The following LRP6 variants were observed in gnomAD, a reference collection of about 807,000 sequenced individuals.
LRP6 encodes the protein LDL receptor related protein 6, also known as low-density lipoprotein receptor-related protein 6.
Under a neutral mutation model 184.1 loss-of-function variants are expected in LRP6, and 43 were observed. The observed-to-expected ratio is 0.23, with a 90% CI of 0.18 to 0.30. The LOEUF (loss-of-function observed/expected upper bound fraction) is 0.30. Among genes scored for constraint, LRP6 ranks in the 10% least tolerant of loss-of-function variants. LRP6 has a pLI of 1.00. For missense variants in LRP6, 1,571 were observed against 2,005.3 expected (o/e 0.78, Z 4.14); for synonymous variants, 719 against 684.9 (o/e 1.05, Z -0.78).
At chr12:12,179,596 T>C (rs1250845182) in intron 7 of LRP6, among the ~76,000 whole-genome samples, 1 of 152,130 alleles carries the variant, frequency 6.6e-6, no homozygotes, top group African/African-American at 2.4e-5. Context: ...TCAGCAGCCA[T>C]TTCTCATACC....
At chr12:12,208,597 A>G (rs575773396) in intron 2 of LRP6, among the ~76,000 whole-genome samples, 5 of 152,302 alleles carry the variant, frequency 3.3e-5, no homozygotes, top group South Asian at 2.1e-4. Context: ...CTCAAAGGTA[A>G]AGACTAGGTG....
intron 19 of LRP6, among the ~76,000 whole-genome samples, chr12:12,130,314 T>C (rs1949731794): frequency 6.6e-6 from 1 of 151,946 alleles, no homozygotes; most frequent in African/African-American, 2.4e-5. Context: ...AGCCTCCCAG[T>C]AGCTGGGATT....
Position 12,159,933 on chromosome 12 carries a change from G to T in LRP6, c.2311C>A (p.Pro771Thr), listed in dbSNP as rs1222279634. 4.3e-6 allele frequency: 7 copies of T among 1,613,428 alleles called. No individual in the cohort carries two copies. The highest frequency in any genetic ancestry group is 5.9e-6 in the Non-Finnish European group (7 of 1,179,708). The change falls in exon 11 of 23, where the codon CCT becomes ACT. Residue 771 changes from proline (P) to threonine (T), a missense_variant. Transcript: ENST00000261349. The part of the protein sequence containing the change: ...FMYWTEWGGK[P>T]KIDRAAMDGS... ...TCCATTGCAGCTCTGTCTATCTTAG[G>T]TTTTCCACCCCATTCAGTCCAATAC...
chr12:12,166,449 T>C (rs965483790), intron 7 of LRP6, among the ~76,000 whole-genome samples: 1 of 152,244 alleles, frequency 6.6e-6, no homozygotes, highest in Admixed American at 6.5e-5. Context: ...AAATATTCTG[T>C]ATTATACAAT....
chr12:12,219,483 G>A (rs979567330), intron 2 of LRP6, among the ~76,000 whole-genome samples: 1 of 152,112 alleles, frequency 6.6e-6, no homozygotes, highest in Non-Finnish European at 1.5e-5. Context: ...GATTACAGGC[G>A]TGAGCCACCC....
chr12:12,165,159 C>G lies in LRP6; in HGVS notation c.1682G>C (p.Arg561Pro). ...TATGATCACTTCCCTCTCTGCACTT[C>G]GTTTATGAACTCTTTCAATGCTACG... ...QRRSIERVHK[R>P]SAEREVIIDQ... Residue 561 changes from arginine (R) to proline (P), a missense_variant, in exon 8 of 23, where the codon CGA (arginine) becomes CCA (proline). Arg to Pro is a moderately radical substitution (Grantham distance 103, BLOSUM62 -2). Transcript: ENST00000261349. 1 of 1,614,006 alleles carries G rather than the reference C, an allele frequency of 6.2e-7. No individual in the cohort carries two copies. The highest frequency in any genetic ancestry group is 1.1e-5 in the South Asian group (1 of 91,074).
chr12:12,259,197 A>G (rs919004067), intron 1 of LRP6, among the ~76,000 whole-genome samples: 1 of 148,640 alleles, frequency 6.7e-6, no homozygotes, highest in Admixed American at 6.8e-5. Flanking sequence ...CAGGAGGCAG[A>G]TGTCACAGTG....
At chr12:12,245,757 T>C (rs1386395464) in intron 1 of LRP6, among the ~76,000 whole-genome samples, 1 of 152,032 alleles carries the variant, frequency 6.6e-6, no homozygotes, top group East Asian at 1.9e-4. Context: ...GGGAGTGAGG[T>C]AGTATAAATT....
chr12:12,200,309 G>A (rs944174915), intron 3 of LRP6, among the ~76,000 whole-genome samples: 4 of 152,122 alleles, frequency 2.6e-5, no homozygotes, highest in African/African-American at 7.2e-5. Context: ...AGATGTTTTT[G>A]TCTGGTAATT....
At chr12:12,256,342 G>A (rs889961147) in intron 1 of LRP6, among the ~76,000 whole-genome samples, 1 of 151,770 alleles carries the variant, frequency 6.6e-6, no homozygotes, top group Non-Finnish European at 1.5e-5. Flanking sequence ...GTGTATCACC[G>A]AGCCCAGGAG....
At chr12:12,266,619 C>T in intron 1 of LRP6, 62 bp downstream of exon 1, 1 of 1,343,516 alleles carries the variant, frequency 7.4e-7, no homozygotes, top group Non-Finnish European at 1.1e-6. Context: ...CCCCTAGACA[C>T]ATACAACAAG....
At chr12:12,147,230 C>T in intron 15 of LRP6, 136 bp downstream of exon 15, 1 of 927,626 alleles carries the variant, frequency 1.1e-6, no homozygotes, top group South Asian at 1.5e-5. Context: ...TCTTCACCAA[C>T]CAACCTGATG....
intron 2 of LRP6, among the ~76,000 whole-genome samples, chr12:12,208,278 T>C (rs1016836928): frequency 6.6e-6 from 1 of 152,196 alleles, no homozygotes; most frequent in East Asian, 1.9e-4. Flanking sequence ...GAGTAAGGGA[T>C]TGACTGTAAA....
intron 1 of LRP6, among the ~76,000 whole-genome samples, chr12:12,265,252 C>T (rs1350950255): frequency 6.6e-6 from 1 of 152,166 alleles, no homozygotes; most frequent in African/African-American, 2.4e-5. Context: ...GTACGTAACA[C>T]TTCATTAAAA....
chr12:12,189,995 TC>T (rs1591929655), intron 3 of LRP6, among the ~76,000 whole-genome samples: 1 of 152,154 alleles, frequency 6.6e-6, no homozygotes, highest in East Asian at 1.9e-4. Context: ...ATACCAAGGA[TC>T]CCACACAATG....
At chr12:12,245,317 C>A (rs1865157893) in intron 1 of LRP6, among the ~76,000 whole-genome samples, 1 of 151,898 alleles carries the variant, frequency 6.6e-6, no homozygotes, top group Non-Finnish European at 1.5e-5. Context: ...AGAAGCCAGG[C>A]CAAAACAAAG....
intron 2 of LRP6, among the ~76,000 whole-genome samples, chr12:12,238,323 T>G (rs187136325): frequency 6.8e-6 from 1 of 147,998 alleles, no homozygotes; most frequent in Admixed American, 6.7e-5. Flanking sequence ...GGAACACATA[T>G]CAAACAAGAG....
intron 3 of LRP6, among the ~76,000 whole-genome samples, chr12:12,199,814 A>C (rs1260970353): frequency 1.3e-5 from 2 of 151,684 alleles, no homozygotes; most frequent in Non-Finnish European, 2.9e-5. Flanking sequence ...AAATGTAAAA[A>C]CTAGATGGGC....
chr12:12,124,744 C>T (rs1024082980), intron 21 of LRP6, 82 bp from the exon 22 acceptor site: 101 of 852,116 alleles, frequency 1.2e-4, no homozygotes, highest in Middle Eastern at 3.3e-4. Context: ...TCCTTCATCT[C>T]TATTAGTGTT....
Sources: gnomAD v4.1 joint callset for allele counts (sites outside exome capture counted in the v4.1 genomes callset) on GRCh38, gnomAD v4.1.1 for gene constraint, MANE v1.5 for transcripts, NCBI Gene and HGNC (gene_info 2026-07-23, HGNC 2026-07-21) for gene names.